NUP205: variants seen among roughly 807,000 people sequenced by gnomAD.
NUP205 encodes the protein nuclear pore complex protein Nup205.
In NUP205, 76 loss-of-function variants were observed where a neutral mutation model predicts 253.8. The ratio of observed to expected loss-of-function variants is 0.30; its 90% confidence interval spans 0.25 to 0.36. The LOEUF is 0.36. Ranked by LOEUF, NUP205 falls within the 10% of genes least tolerant of loss-of-function variation. The probability of loss-of-function intolerance (pLI) is 1.00; values close to 1 mark genes in which losing one functional copy is unlikely to be tolerated. For synonymous variants in NUP205, 832 were observed against 850.1 expected, an observed-to-expected ratio of 0.98 and a Z score of 0.37; for missense variants, 2,162 against 2,425.5, an observed-to-expected ratio of 0.89 and a Z score of 2.28.
chr7:135,610,379 C>A (rs898893472), intron 22 of NUP205, among the ~76,000 whole-genome samples: 1 of 152,200 alleles, frequency 6.6e-6, no homozygotes, highest in Admixed American at 6.5e-5. Flanking sequence ...TGCCATCACA[C>A]CCGGCTAATT....
At chr7:135,635,748 C>A (rs911256415) in intron 36 of NUP205, 91 bp downstream of exon 36, 5 of 661,292 alleles carry the variant, frequency 7.6e-6, no homozygotes, top group East Asian at 5.6e-5. Flanking sequence ...TTTGGGAAAC[C>A]CCTTTCAACT....
intron 13 of NUP205, 30 bp downstream of exon 13, chr7:135,594,759 A>T: frequency 6.5e-7 from 1 of 1,540,632 alleles, no homozygotes; most frequent in Non-Finnish European, 8.8e-7. Context: ...TATTTATATT[A>T]TCCCAATGTG....
At chr7:135,595,763 A>C (rs1394895873) in intron 13 of NUP205, among the ~76,000 whole-genome samples, 1 of 152,160 alleles carries the variant, frequency 6.6e-6, no homozygotes, top group African/African-American at 2.4e-5. Context: ...GCTCCATTAA[A>C]AATTTTCTAT....
chr7:135,578,634 G>T, intron 6 of NUP205, 117 bp from the exon 7 acceptor site: 1 of 651,940 alleles, frequency 1.5e-6, no homozygotes, highest in Non-Finnish European at 2.6e-6. Context: ...AATGTTAATT[G>T]GTCATTATTC....
At chr7:135,581,804 G>A (rs1806313034) in intron 7 of NUP205, among the ~76,000 whole-genome samples, 1 of 146,266 alleles carries the variant, frequency 6.8e-6, no homozygotes, top group Admixed American at 6.8e-5. Context: ...AGTGAGCTGA[G>A]ATCATGCCAC....
intron 1 of NUP205, among the ~76,000 whole-genome samples, chr7:135,567,863 T>A (rs1805828887): frequency 1.3e-5 from 2 of 152,180 alleles, no homozygotes; most frequent in Non-Finnish European, 2.9e-5. Flanking sequence ...TATGAGTACC[T>A]TATCTGCTTA....
intron 30 of NUP205, 50 bp from the exon 31 acceptor site, chr7:135,622,727 T>C (rs1027608303): frequency 6.4e-7 from 1 of 1,574,146 alleles, no homozygotes; most frequent in Admixed American, 1.7e-5. Flanking sequence ...ATTACTCAGT[T>C]ATTACACTGC....
chr7:135,566,116 ATTTG>A (rs1357368564), intron 1 of NUP205, among the ~76,000 whole-genome samples: 1 of 151,792 alleles, frequency 6.6e-6, no homozygotes, highest in Non-Finnish European at 1.5e-5. Flanking sequence ...TTGTTTATTT[ATTTG>A]TTTTTTGAGA....
intron 8 of NUP205, among the ~76,000 whole-genome samples, chr7:135,585,389 G>A (rs1806429685): frequency 1.3e-5 from 2 of 152,012 alleles, no homozygotes; most frequent in Admixed American, 6.6e-5. Flanking sequence ...CATAGTGAAT[G>A]GTTTATAAAT....
At chr7:135,581,164 C>T (rs960493169) in intron 7 of NUP205, among the ~76,000 whole-genome samples, 8 of 152,162 alleles carry the variant, frequency 5.3e-5, no homozygotes, top group East Asian at 1.9e-4. Context: ...CAAGTTTTAA[C>T]GAAGATCTCC....
intron 12 of NUP205, among the ~76,000 whole-genome samples, chr7:135,593,574 C>T (rs1490065695): frequency 6.6e-6 from 1 of 152,068 alleles, no homozygotes; most frequent in Non-Finnish European, 1.5e-5. Context: ...ATTATTTTTT[C>T]TCTCCTTATA....
chr7:135,594,667 G>T lies in NUP205; in HGVS notation c.1951G>T (p.Ala651Ser), dbSNP rs775257144. Reference sequence around the variant, plus strand: ...AAAAGCTGAGCTACTGAAGACACTCGCAGCTTTTGGAAAATCTCCTGAAAT... The same window carrying T: ...AAAAGCTGAGCTACTGAAGACACTCTCAGCTTTTGGAAAATCTCCTGAAAT... ...VLKAELLKTL[A>S]AFGKSPEIAA... Residue 651 changes from alanine to serine, a missense_variant, in exon 13 of 43, where the codon GCA (alanine) becomes TCA (serine). This residue lies in a region of NUP205 where 892 missense variants were observed against 957.1 expected (regional missense o/e 0.93). Transcript: ENST00000285968. 5.6e-6 allele frequency: 9 copies of T among 1,613,506 alleles called. No individual in the cohort carries two copies. The highest frequency in any genetic ancestry group is 1.3e-5 in the African/African-American group (1 of 74,950).
At chr7:135,572,891 C>G (rs1240459485) in intron 2 of NUP205, among the ~76,000 whole-genome samples, 1 of 151,528 alleles carries the variant, frequency 6.6e-6, no homozygotes, top group Non-Finnish European at 1.5e-5. Flanking sequence ...GGAAGCCATC[C>G]AAGAACTATT....
chr7:135,591,175 A>T (rs944282714), intron 10 of NUP205, among the ~76,000 whole-genome samples: 1 of 152,206 alleles, frequency 6.6e-6, no homozygotes, highest in African/African-American at 2.4e-5. Flanking sequence ...CACATGTCTT[A>T]TATTTTTAAA....
In NUP205 at chr7:135,594,698, C is replaced by T. The variant is rs765329085; in HGVS notation, c.1982C>T (p.Ala661Val). 4 of 1,613,524 alleles carry T rather than the reference C, an allele frequency of 2.5e-6. No homozygotes were observed. Among genetic ancestry groups the T allele is most frequent in the Non-Finnish European group, 3.4e-6 (4 of 1,179,736 alleles). Residue 661 changes from alanine (A) to valine (V), a missense_variant, in exon 13 of 43, where the codon GCT becomes GTT. This residue lies in a region of NUP205 where 892 missense variants were observed against 957.1 expected (regional missense o/e 0.93). Coordinates refer to ENST00000285968, the MANE Select transcript of NUP205 (RefSeq NM_015135.3). ...AAFGKSPEIAASLWQSLEYTQ... is the reference protein window; with the variant it reads ...AAFGKSPEIAVSLWQSLEYTQ... ...TTTGGAAAATCTCCTGAAATTGCTG[C>T]TTCCCTCTGGCAGTCATTGGAATAC...
At chr7:135,638,493 G>A (rs867663129) in intron 37 of NUP205, 64 bp from the exon 38 acceptor site, 14 of 1,439,470 alleles carry the variant, frequency 9.7e-6, no homozygotes, top group African/African-American at 2.9e-5. Flanking sequence ...TTCAAATCTC[G>A]ATTTTCATGC....
At chr7:135,623,760 C>G (rs915469084) in intron 31 of NUP205, among the ~76,000 whole-genome samples, 3 of 152,038 alleles carry the variant, frequency 2.0e-5, no homozygotes, top group African/African-American at 7.2e-5. Flanking sequence ...CTGGCATAAC[C>G]TTTTAGTTAC....
Position 135,607,324 on chromosome 7 carries a change from C to A in NUP205, c.3148C>A (p.Pro1050Thr), listed in dbSNP as rs755227023. 1 of 1,614,046 alleles carries A rather than the reference C, an allele frequency of 6.2e-7. No homozygotes were observed. The highest frequency in any genetic ancestry group is 1.3e-5 in the African/African-American group (1 of 75,030). The change falls in exon 22 of 43, where the codon CCA becomes ACA. Residue 1050 changes from proline (P) to threonine (T), a missense_variant. Physicochemically the swap from Pro to Thr is conservative, Grantham distance 38. This residue lies in a region of NUP205 where 1,144 missense variants were observed against 1,280.9 expected (regional missense o/e 0.89). Transcript: ENST00000285968. ...LEKGTEGRTG[P>T]VAVRESPQLA... The stretch of plus-strand genomic sequence containing the variant: ...GAAAGGAACGGAAGGGAGAACAGGC[C>A]CAGTGGCGGTGCGAGAATCTCCTCA...
chr7:135,621,740 G>A (rs1358838698), intron 30 of NUP205, among the ~76,000 whole-genome samples: 2 of 152,074 alleles, frequency 1.3e-5, no homozygotes, highest in Non-Finnish European at 2.9e-5. Context: ...AAAAATATCT[G>A]ATTTTTTTGG....
Sources: allele counts gnomAD v4.1 joint callset (sites outside exome capture counted in the v4.1 genomes callset), GRCh38; gene constraint gnomAD v4.1.1; regional missense constraint gnomAD v4.1.1; transcripts MANE v1.5; gene names NCBI Gene and HGNC (gene_info 2026-07-23, HGNC 2026-07-21).